Variants in ZFPM1 observed in about 807,000 individuals in gnomAD.
ZFPM1 encodes the protein zinc finger protein ZFPM1.
A neutral mutation model predicts 46.3 loss-of-function variants in ZFPM1; 28 were observed. The ratio of observed to expected loss-of-function variants is 0.60; its 90% confidence interval spans 0.45 to 0.83. The LOEUF is 0.83. ZFPM1 is among the 40% of genes least tolerant of loss of function. ZFPM1 has a pLI of 0.00. For synonymous variants in ZFPM1, 957 were observed against 675.9 expected, an observed-to-expected ratio of 1.42 and a Z score of -6.45; for missense variants, 1,878 against 1,432.4, an observed-to-expected ratio of 1.31 and a Z score of -5.02.
chr16:88,454,981 C>T (rs1483908026), intron 1 of ZFPM1, among the ~76,000 whole-genome samples: 1 of 152,208 alleles, frequency 6.6e-6, no homozygotes, highest in Non-Finnish European at 1.5e-5. Flanking sequence ...TTCCCGTAAC[C>T]CAACTCCCTC....
chr16:88,495,152 G>C (rs1411766798), intron 3 of ZFPM1, among the ~76,000 whole-genome samples: 1 of 152,228 alleles, frequency 6.6e-6, no homozygotes, highest in African/African-American at 2.4e-5. Context: ...AGCCCCACTA[G>C]GACTTGGAGG....
intron 1 of ZFPM1, among the ~76,000 whole-genome samples, chr16:88,473,686 A>AG (rs1333243192): frequency 6.6e-6 from 1 of 151,900 alleles, no homozygotes; most frequent in African/African-American, 2.4e-5. Context: ...CCATCTGGGG[A>AG]GGGGGGTCGC....
At chr16:88,501,651 G>A (rs912630261) in intron 3 of ZFPM1, among the ~76,000 whole-genome samples, 1 of 131,912 alleles carries the variant, frequency 7.6e-6, no homozygotes. Flanking sequence ...GGGCCATCGC[G>A]CAGGTGCTGG....
At position 88,528,061 on chromosome 16, in the gene ZFPM1, C is replaced by A. The variant is rs1486814166; in HGVS notation, c.535C>A (p.Pro179Thr). 6.4e-7 allele frequency: 1 copy of A among 1,557,336 alleles called. No homozygotes were observed. ...CGCACTCTGGTGCAGGGTCACCAAGCCGGTGCCTGCGGGGGGACTCCTGAG... is the reference window on the plus strand; with the variant it reads ...CGCACTCTGGTGCAGGGTCACCAAGACGGTGCCTGCGGGGGGACTCCTGAG... ...DDALWCRVTK[P>T]VPAGGLLSVL... Residue 179 changes from proline to threonine, a missense_variant, in exon 6 of 10, where the codon CCG becomes ACG. Transcript: ENST00000319555.
Position 88,534,762 on chromosome 16 carries a change from C to T in ZFPM1, c.2804C>T (p.Ser935Phe). The change falls in exon 10 of 10, where the codon TCC becomes TTC. Residue 935 changes from serine to phenylalanine, a missense_variant. Coordinates refer to ENST00000319555, the MANE Select transcript of ZFPM1 (RefSeq NM_153813.3). ...GAGCCGCCGCCCGGCCCGCCCCCGT[C>T]CCCGGCCGCCGCGCCCGAGGCCGTG... is the stretch of plus-strand genomic sequence containing the variant. ...PQEPPPGPPP[S>F]PAAAPEAVPP... The T allele has an allele frequency of 1.8e-6, 2 of 1,109,250 alleles. No homozygotes were observed. The highest frequency in any genetic ancestry group is 2.2e-6 in the Non-Finnish European group (2 of 908,730). 68.7% of individuals were successfully genotyped at this position (1,109,250 alleles called of 1,614,324 possible). A position where few individuals can be genotyped will look rare whatever the true frequency, so the allele number is the denominator to read the frequency against.
chr16:88,465,749 G>C (rs987278119), intron 1 of ZFPM1, among the ~76,000 whole-genome samples: 1 of 152,232 alleles, frequency 6.6e-6, no homozygotes, highest in African/African-American at 2.4e-5. Flanking sequence ...CCTGACAGCT[G>C]CGCCCAGATG....
At chr16:88,493,053 C>G (rs1467381522) in intron 3 of ZFPM1, among the ~76,000 whole-genome samples, 8 of 147,844 alleles carry the variant, frequency 5.4e-5, no homozygotes, top group African/African-American at 1.8e-4. Flanking sequence ...AGAGCTATCC[C>G]GGGGTGCGGA....
chr16:88,529,808 G>GCTCC (rs756164900), intron 6 of ZFPM1, among the ~76,000 whole-genome samples: 85 of 152,216 alleles, frequency 5.6e-4, no homozygotes, highest in South Asian at 4.1e-4. Flanking sequence ...TCAGAGAGGA[G>GCTCC]GCCTGCACAG....
intron 3 of ZFPM1, among the ~76,000 whole-genome samples, chr16:88,495,993 C>T (rs1174751594): frequency 6.6e-6 from 1 of 152,176 alleles, no homozygotes; most frequent in Non-Finnish European, 1.5e-5. Flanking sequence ...GGCAGGCTCC[C>T]AGCAGTGACT....
chr16:88,528,580 T>C (rs1399119892), intron 6 of ZFPM1, among the ~76,000 whole-genome samples: 2 of 152,138 alleles, frequency 1.3e-5, no homozygotes, highest in African/African-American at 4.8e-5. Flanking sequence ...AGCAGGACCC[T>C]CACCTCGGCC....
In ZFPM1 at chr16:88,486,025, C is replaced by T. The variant is rs781130216; in HGVS notation, c.127C>T (p.Pro43Ser). The T allele has an allele frequency of 1.2e-6, 2 of 1,612,260 alleles. No individual in the cohort carries two copies. The highest frequency in any genetic ancestry group is 2.7e-5 in the African/African-American group (2 of 74,922). The change falls in exon 2 of 10, where the codon CCG becomes TCG. Residue 43 changes from proline (P) to serine (S), a missense_variant. Coordinates refer to ENST00000319555, the MANE Select transcript of ZFPM1 (RefSeq NM_153813.3). ...MEQKATAPEAPSPPSADVNSP... is the reference protein window; with the variant it reads ...MEQKATAPEASSPPSADVNSP... Reference sequence around the variant, plus strand: ...GCAAAAGGCCACGGCACCTGAAGCCCCGAGCCCTCCCAGCGCAGGTGAGTC... The same window carrying T: ...GCAAAAGGCCACGGCACCTGAAGCCTCGAGCCCTCCCAGCGCAGGTGAGTC...
chr16:88,501,837 C>A (rs1335972191), intron 3 of ZFPM1, among the ~76,000 whole-genome samples: 1 of 152,070 alleles, frequency 6.6e-6, no homozygotes, highest in Non-Finnish European at 1.5e-5. Context: ...GGCGTGGGTG[C>A]AGGGCCCTCC....
At chr16:88,498,571 G>A (rs1297538889) in intron 3 of ZFPM1, among the ~76,000 whole-genome samples, 34 of 152,200 alleles carry the variant, frequency 2.2e-4, no homozygotes, top group Non-Finnish European at 7.4e-5. Flanking sequence ...TCATGACGAG[G>A]TAGGAACCCC....
chr16:88,514,566 G>A lies in ZFPM1; in HGVS notation c.402+46G>A, dbSNP rs760274947. The A allele has an allele frequency of 9.4e-5, 142 of 1,505,566 alleles. 3 individuals carry two copies. The Middle Eastern group carries it at 1.8e-3, about 19-fold the overall frequency. 93.3% of individuals were successfully genotyped at this position (1,505,566 alleles called of 1,614,324 possible). On this transcript the variant is annotated intron_variant, in intron 4 of 9. Transcript: ENST00000319555. ...CCCCTGCCCGCCCACCCCAATGCAG[G>A]GCAACATGGACCCAGGGGACAGGCC... is the stretch of plus-strand genomic sequence containing the variant.
rs564224686 is a variant in ZFPM1, at chr16:88,497,635, G to T, written c.268+8482G>T. Among the ~76,000 whole-genome samples the T allele has an allele frequency of 2.0e-5, 3 of 152,154 alleles. No individual in the cohort carries two copies. Among genetic ancestry groups the T allele is most frequent in the Non-Finnish European group, 2.9e-5 (2 of 68,014 alleles). On this transcript the variant is annotated intron_variant, in intron 3 of 9. Coordinates refer to ENST00000319555, the MANE Select transcript of ZFPM1 (RefSeq NM_153813.3). This position sits in a 1 kb window ranked among gnomAD's most constrained non-coding sequence, Gnocchi z 5.4. ...AAATGGGTACCCTGAAGGGTTTTGT[G>T]GGGGGTGTTCGTGCCGTGAGCGATC... is the stretch of plus-strand genomic sequence containing the variant.
At chr16:88,477,112 C>T (rs1018986849) in intron 1 of ZFPM1, among the ~76,000 whole-genome samples, 63 of 152,234 alleles carry the variant, frequency 4.1e-4, no homozygotes, top group Middle Eastern at 3.2e-3. Context: ...CCCTGCCTTC[C>T]ATGAGGAAAT....
chr16:88,525,203 G>T (rs1912218933), intron 4 of ZFPM1, among the ~76,000 whole-genome samples: 1 of 152,218 alleles, frequency 6.6e-6, no homozygotes, highest in African/African-American at 2.4e-5. Context: ...CAGCAGGGAG[G>T]CCGAGCCTGG....
chr16:88,478,767 G>T (rs1280378717), intron 1 of ZFPM1, among the ~76,000 whole-genome samples: 2 of 152,264 alleles, frequency 1.3e-5, no homozygotes, highest in African/African-American at 4.8e-5. Flanking sequence ...TTCCCGTAGA[G>T]GGGGCAGGGG....
chr16:88,533,313 G>A lies in ZFPM1; in HGVS notation c.1355G>A (p.Ser452Asn), dbSNP rs1167935744. ...GAGCCTCTGGCCCAGAATGGAGGCA[G>A]CAGCGAGCCCCCGGCGGCCCCCAGG... ...RAEPLAQNGG[S>N]SEPPAAPRSI... Residue 452 changes from serine (S) to asparagine (N), a missense_variant, in exon 10 of 10, where the codon AGC becomes AAC. Coordinates refer to ENST00000319555, the MANE Select transcript of ZFPM1 (RefSeq NM_153813.3). 6 of 1,532,096 alleles carry A rather than the reference G, an allele frequency of 3.9e-6. No individual in the cohort carries two copies. In the Admixed American group the frequency reaches 1.2e-4, roughly 31 times the overall value. The allele number at this position is 1,532,096 out of a possible 1,614,324, so 94.9% of individuals were successfully genotyped here.
Sources: allele counts gnomAD v4.1 joint callset (sites outside exome capture counted in the v4.1 genomes callset), GRCh38; gene constraint gnomAD v4.1.1; non-coding constraint Gnocchi (gnomAD v3.1); transcripts MANE v1.5; gene names NCBI Gene and HGNC (gene_info 2026-07-23, HGNC 2026-07-21).